The following MYRIP variants were observed in gnomAD, a reference collection of about 807,000 sequenced individuals.
The protein encoded by MYRIP is myosin VIIA and Rab interacting protein.
Under a neutral mutation model 98.0 loss-of-function variants are expected in MYRIP, and 49 were observed. The observed-to-expected ratio is 0.50, with a 90% CI of 0.40 to 0.63. MYRIP has a LOEUF of 0.63. Ranked by LOEUF, MYRIP falls within the 30% of genes least tolerant of loss-of-function variation. The pLI, the probability that MYRIP is intolerant of heterozygous loss-of-function variation, is 0.00. For synonymous variants in MYRIP, 404 were observed against 409.5 expected (o/e 0.99, Z 0.16); for missense variants, 1,004 against 1,058.2 (o/e 0.95, Z 0.71).
chr3:39,899,865 G>C (rs771960750), intron 1 of MYRIP, among the ~76,000 whole-genome samples: 1 of 152,132 alleles, frequency 6.6e-6, no homozygotes, highest in Non-Finnish European at 1.5e-5. Flanking sequence ...TTGTCACCCA[G>C]GCTGGAGTGC....
Position 39,891,116 on chromosome 3 carries a change from T to C in MYRIP, c.-30-9671T>C, listed in dbSNP as rs565353689. On this transcript the variant is annotated intron_variant, in intron 1 of 16. Transcript: ENST00000302541. ...TGTTTCTTATTTTCCCAGTTGCTTT[T>C]TAAACAATTTTCAATATAAGGGAGA... is the stretch of plus-strand genomic sequence containing the variant. 5.3e-5 allele frequency among the ~76,000 whole-genome samples: 8 copies of C among 152,284 alleles called. No individual in the cohort carries two copies. In the East Asian group the frequency reaches 1.5e-3, roughly 29 times the overall value.
chr3:39,902,505 C>G (rs1270726547), intron 2 of MYRIP, among the ~76,000 whole-genome samples: 2 of 152,174 alleles, frequency 1.3e-5, no homozygotes. Context: ...AGTTTTGTGC[C>G]CCAATCTCTG....
intron 2 of MYRIP, among the ~76,000 whole-genome samples, chr3:39,972,557 C>G (rs1381070049): frequency 6.6e-6 from 1 of 151,962 alleles, no homozygotes; most frequent in East Asian, 1.9e-4. Context: ...TAAATGTAGT[C>G]TAAAAAGTAT....
chr3:39,857,600 C>A (rs1027777323), intron 1 of MYRIP, among the ~76,000 whole-genome samples: 5 of 151,982 alleles, frequency 3.3e-5, no homozygotes, highest in African/African-American at 1.2e-4. Context: ...ACAGGAAGTT[C>A]TAATACTATA....
At chr3:40,235,838 G>A (rs1952808134) in intron 12 of MYRIP, among the ~76,000 whole-genome samples, 1 of 152,166 alleles carries the variant, frequency 6.6e-6, no homozygotes, top group South Asian at 2.1e-4. Flanking sequence ...GAATGGGGAA[G>A]GTACTCACAA....
At chr3:40,253,428 C>T (rs1047748214) in intron 16 of MYRIP, among the ~76,000 whole-genome samples, 4 of 152,052 alleles carry the variant, frequency 2.6e-5, no homozygotes, top group Admixed American at 6.6e-5. Context: ...CGTGAAGAGG[C>T]GGATATAAAC....
At chr3:39,859,119 A>G (rs540070536) in intron 1 of MYRIP, among the ~76,000 whole-genome samples, 1 of 151,854 alleles carries the variant, frequency 6.6e-6, no homozygotes, top group Non-Finnish European at 1.5e-5. Flanking sequence ...TGAAAAAAAA[A>G]AAAAAATAGA....
At chr3:39,946,854 T>A (rs1162823290) in intron 2 of MYRIP, among the ~76,000 whole-genome samples, 2 of 152,174 alleles carry the variant, frequency 1.3e-5, no homozygotes, top group African/African-American at 4.8e-5. Flanking sequence ...GAGTTTGTGG[T>A]GATTTGTTAC....
intron 2 of MYRIP, among the ~76,000 whole-genome samples, chr3:40,025,342 C>T (rs1230223187): frequency 6.6e-6 from 1 of 152,060 alleles, no homozygotes; most frequent in African/African-American, 2.4e-5. Flanking sequence ...ATCAAGGGCT[C>T]TGTTAGCCTT....
At chr3:39,986,894 C>T (rs1279187257) in intron 2 of MYRIP, among the ~76,000 whole-genome samples, 1 of 152,092 alleles carries the variant, frequency 6.6e-6, no homozygotes, top group African/African-American at 2.4e-5. Context: ...CTCTGCTTGT[C>T]CCCTTCTTCT....
At chr3:40,049,437 ATTGT>A (rs1426780132) in intron 3 of MYRIP, among the ~76,000 whole-genome samples, 1 of 152,038 alleles carries the variant, frequency 6.6e-6, no homozygotes, top group Admixed American at 6.6e-5. Flanking sequence ...TACTATTATA[ATTGT>A]TTGGGGGCAC....
At chr3:39,995,008 A>G (rs1048283496) in intron 2 of MYRIP, among the ~76,000 whole-genome samples, 7 of 152,232 alleles carry the variant, frequency 4.6e-5, no homozygotes, top group African/African-American at 1.7e-4. Context: ...TAAAAAACAG[A>G]AAGGACATCC....
chr3:40,090,296 T>C (rs1948716897), intron 3 of MYRIP, among the ~76,000 whole-genome samples: 1 of 152,092 alleles, frequency 6.6e-6, no homozygotes, highest in Non-Finnish European at 1.5e-5. Context: ...GTGCTGAAAT[T>C]CACCAAAGTT....
Position 40,250,282 on chromosome 3 carries a change from T to A in MYRIP, c.2323T>A (p.Cys775Ser). Residue 775 changes from cysteine (C) to serine (S), a missense_variant, in exon 14 of 17, where the codon TGT (cysteine) becomes AGT (serine). By Grantham distance (112) the Cys-to-Ser change is moderately radical. Transcript: ENST00000302541. The part of the protein sequence containing the change: ...LTIAGLNIAP[C>S]VRFTRRRDQK... The stretch of plus-strand genomic sequence containing the variant: ...CATTGCAGGATTAAACATAGCACCA[T>A]GTGTGCGCTTCACAAGAAGACGGGA... The A allele has an allele frequency of 6.2e-7, 1 of 1,614,156 alleles. No individual in the cohort carries two copies. The highest frequency in any genetic ancestry group is 1.6e-4 in the Middle Eastern group (1 of 6,062).
At chr3:40,217,205 T>C (rs1265407118) in intron 11 of MYRIP, among the ~76,000 whole-genome samples, 1 of 152,136 alleles carries the variant, frequency 6.6e-6, no homozygotes, top group Non-Finnish European at 1.5e-5. Context: ...TTCATACTAA[T>C]AAAACTGTTC....
At chr3:40,145,718 G>C (rs891618866) in intron 3 of MYRIP, among the ~76,000 whole-genome samples, 1 of 152,214 alleles carries the variant, frequency 6.6e-6, no homozygotes, top group Non-Finnish European at 1.5e-5. Context: ...AAATTGTTTA[G>C]CTGGCAGCAT....
At chr3:40,168,912 T>C (rs1950554624) in intron 7 of MYRIP, among the ~76,000 whole-genome samples, 2 of 152,210 alleles carry the variant, frequency 1.3e-5, no homozygotes. Context: ...AAAACTTCAG[T>C]CTTCCCTTTT....
chr3:40,194,207 G>A lies in MYRIP; in HGVS notation c.1665+3744G>A, dbSNP rs529159324. Among the ~76,000 whole-genome samples the A allele has an allele frequency of 3.3e-5, 5 of 151,942 alleles. No individual in the cohort carries two copies. In the East Asian group the frequency reaches 9.7e-4, roughly 29 times the overall value. ...AATCCTTCGTAGTTTTCTATTTTCA[G>A]TTTAGCCCCTTAGACCGTCTGTACT... On this transcript the variant is annotated intron_variant, in intron 10 of 16. Transcript: ENST00000302541.
intron 1 of MYRIP, among the ~76,000 whole-genome samples, chr3:39,816,390 C>T (rs935518657): frequency 1.3e-5 from 2 of 152,294 alleles, no homozygotes; most frequent in Admixed American, 1.3e-4. Context: ...CTGAATTTGC[C>T]TTTTCAAATC....
Sources: allele counts gnomAD v4.1 joint callset (sites outside exome capture counted in the v4.1 genomes callset), GRCh38; gene constraint gnomAD v4.1.1; transcripts MANE v1.5; gene names NCBI Gene and HGNC (gene_info 2026-07-23, HGNC 2026-07-21).